The following CDKL5 variants were observed in gnomAD, a reference collection of about 807,000 sequenced individuals.
CDKL5 encodes the protein cyclin dependent kinase like 5.
CDKL5 carries 8 observed loss-of-function variants against 61.7 expected under a neutral mutation model. The ratio of observed to expected loss-of-function variants is 0.13; its 90% CI spans 0.08 to 0.23. CDKL5 has a LOEUF of 0.23. Among genes scored for constraint, CDKL5 ranks in the 10% least tolerant of loss-of-function variants. CDKL5 has a pLI of 1.00. For missense variants in CDKL5, 440 were observed against 734.5 expected (o/e 0.60, Z 4.63); for synonymous variants, 275 against 272.3 (o/e 1.01, Z -0.10).
intron 9 of CDKL5, among the ~76,000 whole-genome samples, chrX:18,593,707 A>G (rs763696827): frequency 1.1e-3 from 127 of 112,318 alleles, no homozygotes; most frequent in African/African-American, 4.0e-3. Context: ...CATCTCTAAA[A>G]TAAGAATAAT....
chrX:18,453,570 G>A (rs763912736), intron 1 of CDKL5, among the ~76,000 whole-genome samples: 2 of 111,784 alleles, frequency 1.8e-5, no homozygotes, highest in African/African-American at 3.2e-5. Flanking sequence ...ATAATAAAAT[G>A]TAGCAGTGGG....
intron 3 of CDKL5, among the ~76,000 whole-genome samples, chrX:18,552,734 G>A (rs1050107498): frequency 7.2e-5 from 8 of 111,418 alleles, no homozygotes; most frequent in African/African-American, 9.8e-5. Context: ...GGATCTGGGG[G>A]ATGAGAGAGG....
At chrX:18,601,402 A>G (rs1431591729) in intron 11 of CDKL5, among the ~76,000 whole-genome samples, 2 of 112,806 alleles carry the variant, frequency 1.8e-5, no homozygotes, top group African/African-American at 3.2e-5. Flanking sequence ...CCATCCATCC[A>G]TTCTGCAACC....
chrX:18,632,128 G>T lies in CDKL5; in HGVS notation c.*3371G>T. 1 of 754,467 alleles carries T rather than the reference G, an allele frequency of 1.3e-6. No homozygotes were observed. Among genetic ancestry groups the T allele is most frequent in the Non-Finnish European group, 1.6e-6 (1 of 639,248 alleles). 62.2% of individuals were successfully genotyped at this position (754,467 alleles called of 1,213,427 possible). On this transcript the variant is annotated 3_prime_UTR_variant, in exon 18 of 18. Transcript: ENST00000623535. ...GCCCTACACCATCCCAAGCCCACCAGTCTGCAGAGCTTGGCTCTGGCCTTG... is the reference window on the plus strand; with the variant it reads ...GCCCTACACCATCCCAAGCCCACCATTCTGCAGAGCTTGGCTCTGGCCTTG...
intron 1 of CDKL5, among the ~76,000 whole-genome samples, chrX:18,427,708 A>G (rs941992913): frequency 9.0e-6 from 1 of 111,449 alleles, no homozygotes; most frequent in Non-Finnish European, 1.9e-5. Context: ...TAAAATCAAA[A>G]TCCGATATAT....
chrX:18,643,086 G>A (rs764233681), downstream of CDKL5, among the ~76,000 whole-genome samples: 1 of 111,623 alleles, frequency 9.0e-6, no homozygotes, highest in South Asian at 3.8e-4. Flanking sequence ...GGAAGATTCT[G>A]GAAAGGGGAG....
At chrX:18,456,880 G>A (rs183974699) in intron 1 of CDKL5, among the ~76,000 whole-genome samples, 3 of 110,608 alleles carry the variant, frequency 2.7e-5, no homozygotes, top group Non-Finnish European at 5.7e-5. Flanking sequence ...GGTGTAATGC[G>A]TTATTGTTTT....
chrX:18,553,980 A>G (rs1001073587), intron 3 of CDKL5, among the ~76,000 whole-genome samples: 1 of 111,185 alleles, frequency 9.0e-6, no homozygotes, highest in African/African-American at 3.3e-5. Context: ...TGAGCAGGTT[A>G]GAGTTTACAT....
chrX:18,570,463 A>G (rs1344110940), intron 4 of CDKL5, among the ~76,000 whole-genome samples: 1 of 110,317 alleles, frequency 9.1e-6, no homozygotes, highest in Non-Finnish European at 1.9e-5. Flanking sequence ...TAGCATTCAA[A>G]CTCCCTCAGC....
intron 3 of CDKL5, among the ~76,000 whole-genome samples, chrX:18,541,236 G>A (rs1211021005): frequency 8.9e-6 from 1 of 111,802 alleles, no homozygotes; most frequent in African/African-American, 3.3e-5. Flanking sequence ...GAACTTTTCC[G>A]TTGTGATTTC....
chrX:18,453,960 T>A (rs1440464241), intron 1 of CDKL5, among the ~76,000 whole-genome samples: 1 of 111,880 alleles, frequency 8.9e-6, no homozygotes, highest in Non-Finnish European at 1.9e-5. Context: ...TGCATTTGGC[T>A]TTTTAAAGTG....
chrX:18,552,680 G>A (rs1924440685), intron 3 of CDKL5, among the ~76,000 whole-genome samples: 1 of 111,629 alleles, frequency 9.0e-6, no homozygotes, highest in Non-Finnish European at 1.9e-5. Flanking sequence ...TCATCGAGGA[G>A]CCGTGGGAAG....
At chrX:18,559,030 C>A (rs747157703) in intron 3 of CDKL5, among the ~76,000 whole-genome samples, 1 of 112,273 alleles carries the variant, frequency 8.9e-6, no homozygotes, top group Admixed American at 9.4e-5. Context: ...ACTCAGAGAA[C>A]CCTGCCCAGG....
chrX:18,605,453 G>A (rs1043288126), intron 12 of CDKL5, among the ~76,000 whole-genome samples: 1 of 111,218 alleles, frequency 9.0e-6, no homozygotes, highest in Admixed American at 9.5e-5. Flanking sequence ...CTTATTCATC[G>A]TCAAACTCTA....
chrX:18,550,299 G>A (rs1286692364), intron 3 of CDKL5, among the ~76,000 whole-genome samples: 1 of 111,279 alleles, frequency 9.0e-6, no homozygotes, highest in Non-Finnish European at 1.9e-5. Context: ...GGAGACCTGA[G>A]AACCTCTACC....
In CDKL5 at chrX:18,536,836, G is replaced by C. The variant is rs371677468; in HGVS notation, c.99+25982G>C. 1.4e-4 allele frequency among the ~76,000 whole-genome samples: 15 copies of C among 110,884 alleles called. No individual in the cohort carries two copies. In the East Asian group the frequency reaches 1.7e-3, roughly 13 times the overall value. ...TTCCTAGACTTTTAAACTCTTCATT[G>C]GCACATCTTCATTTAAGCAAAATAG... On this transcript the variant is annotated intron_variant, in intron 3 of 17. Transcript: ENST00000623535.
chrX:18,509,197 G>GCACACGCA (rs1555940192), intron 2 of CDKL5, among the ~76,000 whole-genome samples: 2 of 64,308 alleles, frequency 3.1e-5, no homozygotes, highest in Non-Finnish European at 5.6e-5. Flanking sequence ...CTCAAAACAC[G>GCACACGCA]CACACACACA....
intron 21 of CDKL5, among the ~76,000 whole-genome samples, chrX:18,652,472 C>T (rs1308489886): frequency 8.9e-6 from 1 of 111,775 alleles, no homozygotes; most frequent in African/African-American, 3.3e-5. Context: ...AGTTCGAGAC[C>T]AGCCTGGCCA....
In CDKL5 at chrX:18,631,651, A is replaced by G. The variant is rs1927240034; in HGVS notation, c.*2894A>G. ...TCCTAAAGAAGAAAAAGGGTGAATG[A>G]AAGCTTATGTTACTTTTATGAAAGT... On this transcript the variant is annotated 3_prime_UTR_variant, in exon 18 of 18. Coordinates refer to ENST00000623535, the MANE Select transcript of CDKL5 (RefSeq NM_001323289.2). 1 of 752,624 alleles carries G rather than the reference A, an allele frequency of 1.3e-6. No individual in the cohort carries two copies. The highest frequency in any genetic ancestry group is 1.6e-6 in the Non-Finnish European group (1 of 638,545). 62.0% of individuals were successfully genotyped at this position (752,624 alleles called of 1,213,427 possible).
Sources: allele counts gnomAD v4.1 joint callset (sites outside exome capture counted in the v4.1 genomes callset), GRCh38; gene constraint gnomAD v4.1.1; transcripts MANE v1.5; gene names NCBI Gene and HGNC (gene_info 2026-07-23, HGNC 2026-07-21).